The following TRAPPC11 variants were observed in gnomAD, a reference collection of about 807,000 sequenced individuals.
TRAPPC11 encodes the protein foie gras homolog.
In TRAPPC11, 104 loss-of-function variants were observed where a neutral mutation model predicts 151.2. The ratio of observed to expected loss-of-function variants is 0.69; its 90% CI spans 0.59 to 0.81. The LOEUF (loss-of-function observed/expected upper bound fraction) is 0.81, where lower values mean the gene tolerates loss of function less well. TRAPPC11 is among the 30% of genes least tolerant of loss of function. The pLI, the probability that TRAPPC11 is intolerant of heterozygous loss-of-function variation, is 0.00. For missense variants in TRAPPC11, 1,230 were observed against 1,349.6 expected (o/e 0.91, Z 1.39); for synonymous variants, 456 against 472.3 (o/e 0.97, Z 0.45).
At chr4:183,674,942 T>C in intron 6 of TRAPPC11, 130 bp downstream of exon 6, 1 of 624,806 alleles carries the variant, frequency 1.6e-6, no homozygotes, top group Non-Finnish European at 2.6e-6. Flanking sequence ...TTTTCAATGC[T>C]TTTAAAAATT....
rs140205041 is a variant in TRAPPC11 at position 183,677,285 on chromosome 4, CCTCTCATATATTTAATAA to C, written c.735-170_735-153del. 1.3e-3 allele frequency among the ~76,000 whole-genome samples: 193 copies of C among 152,194 alleles called. 2 individuals carry two copies. In the East Asian group the frequency reaches 0.035, roughly 28 times the overall value. Reference sequence around the variant, plus strand: ...TCTGTTCTTTATGAAATCATTGATTCCTCTCATATATTTAATAACTAATGGCTCATTTATCAGGAAATC... The same window carrying C: ...TCTGTTCTTTATGAAATCATTGATTCCTAATGGCTCATTTATCAGGAAATC... On this transcript the variant is annotated intron_variant, in intron 7 of 29. Coordinates refer to ENST00000334690, the MANE Select transcript of TRAPPC11 (RefSeq NM_021942.6).
At chr4:183,674,428 A>G (rs1049790734) in intron 5 of TRAPPC11, among the ~76,000 whole-genome samples, 5 of 150,626 alleles carry the variant, frequency 3.3e-5, no homozygotes, top group African/African-American at 1.2e-4. Context: ...CTCAAAAAAA[A>G]AAAAAAAAAA....
intron 3 of TRAPPC11, 108 bp downstream of exon 3, chr4:183,666,534 C>T (rs529227807): frequency 2.7e-4 from 290 of 1,091,086 alleles, no homozygotes; most frequent in Middle Eastern, 6.3e-4. Flanking sequence ...GGTCACTTTG[C>T]GGATTGACCT....
intron 28 of TRAPPC11, among the ~76,000 whole-genome samples, chr4:183,708,170 A>G (rs1401258464): frequency 6.6e-6 from 1 of 152,202 alleles, no homozygotes; most frequent in Non-Finnish European, 1.5e-5. Flanking sequence ...AGGTCTTGGT[A>G]GAAACCGAGA....
chr4:183,683,903 C>A (rs761373982), intron 11 of TRAPPC11, 72 bp from the exon 12 acceptor site: 1 of 1,166,064 alleles, frequency 8.6e-7, no homozygotes, highest in South Asian at 1.2e-5. Flanking sequence ...AAGGAGTGTA[C>A]ACATACAACG....
intron 28 of TRAPPC11, 58 bp from the exon 29 acceptor site, chr4:183,708,349 A>G (rs946337073): frequency 5.3e-5 from 82 of 1,536,074 alleles, no homozygotes; most frequent in Non-Finnish European, 7.0e-5. Context: ...GTAACAACAT[A>G]TAGATATTGC....
intron 26 of TRAPPC11, among the ~76,000 whole-genome samples, chr4:183,703,188 A>G (rs1561061918): frequency 6.6e-6 from 1 of 152,156 alleles, no homozygotes. Flanking sequence ...AAAAAAGACA[A>G]CTGTAGGCCA....
rs9312316 is a variant in TRAPPC11, at chr4:183,686,817, T to C, written c.1893+69T>C. The C allele has an allele frequency of 0.44, 685,050 of 1,543,124 alleles. 154,884 individuals carry two copies. Among genetic ancestry groups the C allele is most frequent in the African/African-American group, 0.64 (46,309 of 72,682 alleles). On this transcript the variant is annotated intron_variant, in intron 18 of 29. Transcript: ENST00000334690. ...GTAGCTTATGTTAAACTAGATAAAATGAGCTTAGTGAATTTTATGTCTTAA... is the reference window on the plus strand; with the variant it reads ...GTAGCTTATGTTAAACTAGATAAAACGAGCTTAGTGAATTTTATGTCTTAA...
Position 183,677,523 on chromosome 4 carries a change from T to G in TRAPPC11, c.800T>G (p.Ile267Ser), listed in dbSNP as rs780126435. ...GCCCATGAAACTAATATTCTGGAAA[T>G]TAAGACTATGGCAGGATTTATAAAC... is the stretch of plus-strand genomic sequence containing the variant. ...LRAHETNILEIKTMAGFINYK... is the reference protein window; with the variant it reads ...LRAHETNILESKTMAGFINYK... The change falls in exon 8 of 30, where the codon ATT (isoleucine) becomes AGT (serine). Residue 267 changes from isoleucine (I) to serine (S), a missense_variant. By Grantham distance (142) the Ile-to-Ser change is moderately radical (BLOSUM62 -2). Coordinates refer to ENST00000334690, the MANE Select transcript of TRAPPC11 (RefSeq NM_021942.6). 4 of 1,604,058 alleles carry G rather than the reference T, an allele frequency of 2.5e-6. No individual in the cohort carries two copies. Among genetic ancestry groups the G allele is most frequent in the Non-Finnish European group, 2.6e-6 (3 of 1,171,368 alleles).
intron 23 of TRAPPC11, 124 bp from the exon 24 acceptor site, chr4:183,697,379 G>A: frequency 1.2e-6 from 1 of 855,248 alleles, no homozygotes; most frequent in South Asian, 1.7e-5. Flanking sequence ...TATCTAAAAG[G>A]CCTTTACTTC....
At chr4:183,682,664 G>C in intron 10 of TRAPPC11, 68 bp from the exon 11 acceptor site, 1 of 1,004,428 alleles carries the variant, frequency 1.0e-6, no homozygotes, top group South Asian at 1.9e-5. Context: ...TTCAGTCAAA[G>C]GTTGGGCAAG....
rs917303840 is a variant in TRAPPC11, at chr4:183,710,232, A to C, written c.3357+1658A>C. ...TTGTTCAGTCTTTTGATTTTCTCTC[A>C]AGGTAAACCTCTTCTGGGTAGTGTT... On this transcript the variant is annotated intron_variant, in intron 29 of 29. Transcript: ENST00000334690. Among the ~76,000 whole-genome samples the C allele has an allele frequency of 6.6e-5, 10 of 152,076 alleles. No homozygotes were observed. The South Asian group carries it at 1.9e-3, about 28-fold the overall frequency.
intron 29 of TRAPPC11, among the ~76,000 whole-genome samples, 161 bp downstream of exon 29, chr4:183,708,735 C>A (rs917306471): frequency 1.3e-5 from 2 of 152,116 alleles, no homozygotes; most frequent in Non-Finnish European, 1.5e-5. Flanking sequence ...TCTATAGTTA[C>A]TTTTTATAGA....
Position 183,694,010 on chromosome 4 carries a change from C to T in TRAPPC11, c.2480C>T (p.Pro827Leu). Residue 827 changes from proline (P) to leucine (L), a missense_variant, in exon 22 of 30, where the codon CCT becomes CTT. Transcript: ENST00000334690. ...ESYPALLTDIPVGDLHPGEQL... is the reference protein window; with the variant it reads ...ESYPALLTDILVGDLHPGEQL... ...TACCCGGCTTTACTCACTGACATTCCTGTTGGAGACTTACATCCAGGGGAA... is the reference window on the plus strand; with the variant it reads ...TACCCGGCTTTACTCACTGACATTCTTGTTGGAGACTTACATCCAGGGGAA... 2 of 1,613,980 alleles carry T rather than the reference C, an allele frequency of 1.2e-6. No homozygotes were observed. Among genetic ancestry groups the T allele is most frequent in the Non-Finnish European group, 1.7e-6 (2 of 1,179,844 alleles).
Position 183,684,126 on chromosome 4 carries a change from ACT to A in TRAPPC11, c.1288-16_1288-15del. 1 of 1,609,804 alleles carries A rather than the reference ACT, an allele frequency of 6.2e-7. No individual in the cohort carries two copies. The highest frequency in any genetic ancestry group is 8.5e-7 in the Non-Finnish European group (1 of 1,176,392). On this transcript the variant is annotated splice_polypyrimidine_tract_variant and intron_variant, in intron 12 of 29. Coordinates refer to ENST00000334690, the MANE Select transcript of TRAPPC11 (RefSeq NM_021942.6). ...AAATATTTGTATTGAAATGTTTCACACTCTACTTTTTCTAATAGGAGATAATC... is the reference window on the plus strand; with the variant it reads ...AAATATTTGTATTGAAATGTTTCACACTACTTTTTCTAATAGGAGATAATC...
chr4:183,698,866 A>G (rs1054273962), intron 25 of TRAPPC11, among the ~76,000 whole-genome samples: 1 of 152,224 alleles, frequency 6.6e-6, no homozygotes, highest in African/African-American at 2.4e-5. Flanking sequence ...TGGAAACTGC[A>G]GAGAAAAACT....
chr4:183,707,254 A>ATGTGTGTGTGTGTG (rs10576583), intron 28 of TRAPPC11, among the ~76,000 whole-genome samples: 96 of 148,674 alleles, frequency 6.5e-4, no homozygotes, highest in African/African-American at 2.3e-3. Context: ...GTGTGTGTTT[A>ATGTGTGTGTGTGTG]TGTGTGTGTG....
chr4:183,674,383 A>C (rs182123292), intron 5 of TRAPPC11, among the ~76,000 whole-genome samples: 1 of 144,926 alleles, frequency 6.9e-6, no homozygotes, highest in Admixed American at 7.5e-5. Context: ...GCGTCACTGC[A>C]CTCCAGCCTG....
chr4:183,673,400 A>T (rs1323081461), intron 5 of TRAPPC11, among the ~76,000 whole-genome samples: 5 of 152,112 alleles, frequency 3.3e-5, no homozygotes, highest in Non-Finnish European at 7.4e-5. Context: ...AAGGCCGGAC[A>T]TGAGGGTTTA....
Sources: allele counts gnomAD v4.1 joint callset (sites outside exome capture counted in the v4.1 genomes callset), GRCh38; gene constraint gnomAD v4.1.1; transcripts MANE v1.5; gene names NCBI Gene and HGNC (gene_info 2026-07-23, HGNC 2026-07-21).